Variants in RNF14 observed in about 807,000 individuals in gnomAD.
The protein encoded by RNF14 is ring finger protein 14.
RNF14 carries 26 observed loss-of-function variants against 52.6 expected under a neutral mutation model. The observed-to-expected ratio is 0.49, with a 90% CI of 0.36 to 0.69. The LOEUF (loss-of-function observed/expected upper bound fraction) is 0.69, where lower values mean the gene tolerates loss of function less well. Among genes scored for constraint, RNF14 ranks in the 30% least tolerant of loss-of-function variants. RNF14 has a pLI of 0.00. For missense variants in RNF14, 404 were observed against 560.4 expected (o/e 0.72, Z 2.82); for synonymous variants, 194 against 202.0 (o/e 0.96, Z 0.34).
chr5:141,962,210 C>T (rs1458506843), upstream of RNF14, among the ~76,000 whole-genome samples: 1 of 152,194 alleles, frequency 6.6e-6, no homozygotes, highest in Non-Finnish European at 1.5e-5. Flanking sequence ...CTGTCTCCCA[C>T]ACAATGGCAC....
the RNF14 span, among the ~76,000 whole-genome samples, chr5:141,950,479 C>T: frequency 3.4e-4 from 52 of 152,232 alleles, no homozygotes; most frequent in African/African-American, 9.6e-4. Flanking sequence ...GTCCATGCAC[C>T]GTCTTATTCA....
chr5:141,951,348 G>T, the RNF14 span: 1 of 645,250 alleles, frequency 1.5e-6, no homozygotes, highest in Non-Finnish European at 2.8e-6. Context: ...AACTCCCAGG[G>T]TGGGAGGATG....
At chr5:141,954,854 A>C (rs1433246467), upstream of RNF14, 2 of 1,332,076 alleles carry the variant, frequency 1.5e-6, no homozygotes, top group East Asian at 4.6e-5. Flanking sequence ...AAAGCATCAG[A>C]AAGTGCCAGG....
At position 141,980,318 on chromosome 5, in the gene RNF14, T is replaced by C. The variant is rs1754656878; in HGVS notation, c.1030T>C (p.Tyr344His). The change falls in exon 6 of 9, where the codon TAC (tyrosine) becomes CAC (histidine). Residue 344 changes from tyrosine (Y) to histidine (H), a missense_variant. Tyr to His is a moderately conservative substitution (Grantham distance 83). Coordinates refer to ENST00000394520, the MANE Select transcript of RNF14 (RefSeq NM_004290.5). ...FAFCTLCRLT[Y>H]HGVSPCKVTA... is the part of the protein sequence containing the mutation. Reference sequence around the variant, plus strand: ...CTTCTGTACTTTGTGCAGGTTGACCTACCATGGGGTCTCCCCATGTAAGGT... The same window carrying C: ...CTTCTGTACTTTGTGCAGGTTGACCCACCATGGGGTCTCCCCATGTAAGGT... 11 of 1,614,046 alleles carry C rather than the reference T, an allele frequency of 6.8e-6. No homozygotes were observed. The highest frequency in any genetic ancestry group is 9.3e-6 in the Non-Finnish European group (11 of 1,180,026).
chr5:141,964,566 C>G (rs138913476), upstream of RNF14, among the ~76,000 whole-genome samples: 708 of 152,212 alleles, frequency 4.7e-3, 2 homozygotes, highest in Middle Eastern at 0.01. Flanking sequence ...AATTGTGCTT[C>G]TAGTGTAGGC....
At position 141,978,578 on chromosome 5, in the gene RNF14, G is replaced by T. The variant is rs746144532; in HGVS notation, c.582G>T (p.Leu194=). ...DERAVQDVES[L]SNLIQEILDF... ...GAGCAGTGCAGGATGTGGAATCACT[G>T]TCAAATCTGATCCAGGAAATCTTGG... The change falls in exon 5 of 9, where the codon CTG becomes CTT. Residue 194 remains leucine (L), a synonymous_variant. Coordinates refer to ENST00000394520, the MANE Select transcript of RNF14 (RefSeq NM_004290.5). 3 of 1,613,990 alleles carry T rather than the reference G, an allele frequency of 1.9e-6. No homozygotes were observed. Among genetic ancestry groups the T allele is most frequent in the Non-Finnish European group, 1.7e-6 (2 of 1,179,966 alleles).
chr5:141,958,204 C>G (rs1753219177), upstream of RNF14: 2 of 228,528 alleles, frequency 8.8e-6, no homozygotes, highest in Non-Finnish European at 1.7e-5. Flanking sequence ...AGTTGCTAGG[C>G]TGGGGAAACA....
upstream of RNF14, chr5:141,956,110 A>T: frequency 1.2e-6 from 2 of 1,614,166 alleles, no homozygotes; most frequent in Non-Finnish European, 1.7e-6. Context: ...GGAGGCATTC[A>T]CAAGCACGGA....
intron 6 of RNF14, among the ~76,000 whole-genome samples, chr5:141,980,845 C>T (rs1754705219): frequency 6.6e-6 from 1 of 152,154 alleles, no homozygotes; most frequent in African/African-American, 2.4e-5. Context: ...CAATGCAGGG[C>T]ATCTAAGCTG....
upstream of RNF14, among the ~76,000 whole-genome samples, chr5:141,964,416 C>T (rs1398969412): frequency 1.3e-5 from 2 of 152,152 alleles, no homozygotes; most frequent in Non-Finnish European, 2.9e-5. Context: ...TATCTATGAT[C>T]AGTTTCCTTA....
intron 5 of RNF14, among the ~76,000 whole-genome samples, chr5:141,979,233 G>GTTGT (rs1561552736): frequency 5.4e-4 from 81 of 150,742 alleles, no homozygotes; most frequent in African/African-American, 1.9e-3. Flanking sequence ...GGTGGTGGTG[G>GTTGT]TGTTGTTGTT....
chr5:141,957,038 C>T (rs536306206), upstream of RNF14: 2 of 1,614,168 alleles, frequency 1.2e-6, no homozygotes, highest in African/African-American at 2.7e-5. The surrounding 1 kb of genome is among the most constrained non-coding windows in gnomAD (Gnocchi z 4.3). Flanking sequence ...GGGCCTTGGT[C>T]AGGGTCTGTG....
chr5:141,978,621 C>A lies in RNF14; in HGVS notation c.625C>A (p.Gln209Lys), dbSNP rs61748691. Residue 209 changes from glutamine to lysine, a missense_variant, in exon 5 of 9, where the codon CAG (glutamine) becomes AAG (lysine). Coordinates refer to ENST00000394520, the MANE Select transcript of RNF14 (RefSeq NM_004290.5). ...QEILDFDQAQ[Q>K]IKCFNSKLFL... ...AATCTTGGACTTTGATCAAGCTCAG[C>A]AGATAAAATGCTTTAATAGTAAATT... The A allele has an allele frequency of 2.8e-4, 444 of 1,614,008 alleles. 3 individuals are homozygous for A. In the African/African-American group the frequency reaches 4.7e-3, roughly 17 times the overall value.
chr5:141,976,253 T>C (rs1754239347), intron 4 of RNF14, among the ~76,000 whole-genome samples: 1 of 152,222 alleles, frequency 6.6e-6, no homozygotes, highest in Non-Finnish European at 1.5e-5. Flanking sequence ...ATTATTTAGA[T>C]CTTCATAGTC....
In RNF14 at chr5:141,978,742, A is replaced by C. The variant is rs199953121; in HGVS notation, c.746A>C (p.Asp249Ala). The stretch of plus-strand genomic sequence containing the variant: ...GTGTACTGCAAAGCCTGTCTGAAGG[A>C]CTACTTTGAAATCCAGATCAGAGAT... ...RHVYCKACLK[D>A]YFEIQIRDGQ... Residue 249 changes from aspartate (D) to alanine (A), a missense_variant, in exon 5 of 9, where the codon GAC (aspartate) becomes GCC (alanine). Coordinates refer to ENST00000394520, the MANE Select transcript of RNF14 (RefSeq NM_004290.5). The C allele has an allele frequency of 8.4e-5, 135 of 1,613,878 alleles. No homozygotes were observed. The highest frequency in any genetic ancestry group is 3.3e-5 in the Admixed American group (2 of 59,998).
chr5:141,983,792 A>C (rs1263991521), intron 7 of RNF14, among the ~76,000 whole-genome samples: 1 of 152,118 alleles, frequency 6.6e-6, no homozygotes, highest in Admixed American at 6.5e-5. Context: ...TATCCACCTC[A>C]AAATTGAATG....
intron 6 of RNF14, among the ~76,000 whole-genome samples, chr5:141,982,254 T>C (rs1754852333): frequency 6.6e-6 from 1 of 152,178 alleles, no homozygotes; most frequent in Admixed American, 6.5e-5. Context: ...TAAAGCAATA[T>C]AACCTTTGTC....
At chr5:141,953,615 A>G (rs1396128889), upstream of RNF14, among the ~76,000 whole-genome samples, 1 of 152,240 alleles carries the variant, frequency 6.6e-6, no homozygotes, top group Non-Finnish European at 1.5e-5. Flanking sequence ...CTGTCACCTC[A>G]GCGGGGTCAC....
In RNF14 at chr5:141,980,289, T is replaced by C. The variant is rs1458249055; in HGVS notation, c.1001T>C (p.Phe334Ser). 6.2e-7 allele frequency: 1 copy of C among 1,614,134 alleles called. No homozygotes were observed. Among genetic ancestry groups the C allele is most frequent in the African/African-American group, 1.3e-5 (1 of 74,942 alleles). Residue 334 changes from phenylalanine (F) to serine (S), a missense_variant, in exon 6 of 9, where the codon TTT becomes TCT. By Grantham distance (155) the Phe-to-Ser change is radical (BLOSUM62 -2). Coordinates refer to ENST00000394520, the MANE Select transcript of RNF14 (RefSeq NM_004290.5). ...CTMGICSSCN[F>S]AFCTLCRLTY... ...ATGGGTATCTGCTCCAGCTGCAATT[T>C]TGCCTTCTGTACTTTGTGCAGGTTG...
Sources: gnomAD v4.1 joint callset for allele counts (sites outside exome capture counted in the v4.1 genomes callset) on GRCh38, gnomAD v4.1.1 for gene constraint, Gnocchi (gnomAD v3.1) non-coding constraint, MANE v1.5 for transcripts, NCBI Gene and HGNC (gene_info 2026-07-23, HGNC 2026-07-21) for gene names.